The following MIPOL1 variants were observed in gnomAD, a reference collection of about 807,000 sequenced individuals.
The protein encoded by MIPOL1 is mirror-image polydactyly gene 1 protein.
A neutral mutation model predicts 60.9 loss-of-function variants in MIPOL1; 57 were observed. That is an observed-to-expected ratio of 0.94 (90% CI 0.76 to 1.17). The LOEUF (loss-of-function observed/expected upper bound fraction) is 1.17, where lower values mean the gene tolerates loss of function less well. MIPOL1 is among the 50% of genes most tolerant of loss of function. The probability of loss-of-function intolerance (pLI) is 0.00; values close to 1 mark genes in which losing one functional copy is unlikely to be tolerated. For missense variants in MIPOL1, 551 were observed against 511.6 expected (o/e 1.08, Z -0.74); for synonymous variants, 179 against 168.8 (o/e 1.06, Z -0.47).
At chr14:37,292,116 G>T (rs1188518248) in intron 7 of MIPOL1, among the ~76,000 whole-genome samples, 1 of 151,472 alleles carries the variant, frequency 6.6e-6, no homozygotes, top group Non-Finnish European at 1.5e-5. Context: ...TAGTAGAGAC[G>T]GGGTTTCGCT....
At chr14:37,245,005 T>A (rs1972966133) in intron 1 of MIPOL1, among the ~76,000 whole-genome samples, 1 of 152,142 alleles carries the variant, frequency 6.6e-6, no homozygotes, top group African/African-American at 2.4e-5. Flanking sequence ...TCCAGTTTAA[T>A]GTCTGAATCC....
intron 12 of MIPOL1, among the ~76,000 whole-genome samples, chr14:37,510,678 C>G (rs2095321248): frequency 6.6e-6 from 1 of 152,162 alleles, no homozygotes; most frequent in Non-Finnish European, 1.5e-5. Flanking sequence ...AGTAAGTACT[C>G]TGTAAATTGA....
chr14:37,510,578 T>C (rs770323952), intron 12 of MIPOL1, among the ~76,000 whole-genome samples: 1 of 152,090 alleles, frequency 6.6e-6, no homozygotes, highest in Non-Finnish European at 1.5e-5. Context: ...CCTACTGCAC[T>C]CTCTTCCAGA....
At chr14:37,214,003 ATAAAGGC>A (rs1967145770) in intron 1 of MIPOL1, among the ~76,000 whole-genome samples, 1 of 152,240 alleles carries the variant, frequency 6.6e-6, no homozygotes, top group Non-Finnish European at 1.5e-5. Context: ...TGAAAGAGAA[ATAAAGGC>A]TTTCCCAGAC....
At position 37,369,545 on chromosome 14, in the gene MIPOL1, A is replaced by C. The variant is rs768577509; in HGVS notation, c.857A>C (p.His286Pro). ...AAACGGTTAGAGCAGGAGCTTCATC[A>C]TGTGAAAGAGCAGAACCAGACTTCA... ...KCKRLEQELHHVKEQNQTSAN... is the reference protein window; with the variant it reads ...KCKRLEQELHPVKEQNQTSAN... The change falls in exon 10 of 13, where the codon CAT becomes CCT. Residue 286 changes from histidine (H) to proline (P), a missense_variant. His to Pro is a moderately conservative substitution (Grantham distance 77, BLOSUM62 -2). Coordinates refer to ENST00000684589, the MANE Select transcript of MIPOL1 (RefSeq NM_001388067.1). The C allele has an allele frequency of 1.9e-6, 3 of 1,613,238 alleles. No individual in the cohort carries two copies. The highest frequency in any genetic ancestry group is 2.7e-5 in the African/African-American group (2 of 74,898).
chr14:37,201,198 C>A (rs1965282077), intron 1 of MIPOL1, among the ~76,000 whole-genome samples: 1 of 152,082 alleles, frequency 6.6e-6, no homozygotes, highest in Non-Finnish European at 1.5e-5. Flanking sequence ...AGCCACCACA[C>A]CTGGCCAGTA....
At chr14:37,499,664 T>G (rs1217827120) in intron 11 of MIPOL1, among the ~76,000 whole-genome samples, 1 of 152,222 alleles carries the variant, frequency 6.6e-6, no homozygotes, top group African/African-American at 2.4e-5. Context: ...TATAATTAAA[T>G]TAACATCTTG....
intron 10 of MIPOL1, among the ~76,000 whole-genome samples, chr14:37,405,057 A>G (rs1293775409): frequency 6.6e-6 from 1 of 152,156 alleles, no homozygotes; most frequent in Non-Finnish European, 1.5e-5. Flanking sequence ...TGGCAGGAGA[A>G]CACAATATGG....
intron 10 of MIPOL1, among the ~76,000 whole-genome samples, chr14:37,410,158 T>C (rs2093657711): frequency 1.3e-5 from 2 of 152,126 alleles, no homozygotes; most frequent in Admixed American, 1.3e-4. Flanking sequence ...CAGATTCCTT[T>C]CAAATGAGCA....
chr14:37,535,469 C>T (rs557472342), intron 12 of MIPOL1, among the ~76,000 whole-genome samples: 36 of 152,186 alleles, frequency 2.4e-4, no homozygotes, highest in African/African-American at 8.7e-4. Context: ...AATAAAATGA[C>T]CCAGGAATTG....
At chr14:37,428,644 G>T (rs377737321) in intron 11 of MIPOL1, among the ~76,000 whole-genome samples, 1 of 150,114 alleles carries the variant, frequency 6.7e-6, no homozygotes, top group Admixed American at 6.7e-5. Context: ...TAAAAAAGTG[G>T]GTTTTTTTCC....
intron 7 of MIPOL1, among the ~76,000 whole-genome samples, chr14:37,295,018 T>C (rs2085497826): frequency 6.6e-6 from 1 of 152,096 alleles, no homozygotes; most frequent in African/African-American, 2.4e-5. Context: ...TCACCAAAGT[T>C]GAAATGAAGG....
At chr14:37,424,385 A>G (rs1429734330) in intron 11 of MIPOL1, among the ~76,000 whole-genome samples, 1 of 152,126 alleles carries the variant, frequency 6.6e-6, no homozygotes, top group Non-Finnish European at 1.5e-5. Flanking sequence ...AGGGAAGACA[A>G]TCTGAAGACA....
Position 37,542,899 on chromosome 14 carries a change from TA to T in MIPOL1, c.1263-4004del, listed in dbSNP as rs547546152. Among the ~76,000 whole-genome samples the T allele has an allele frequency of 1.4e-4, 22 of 152,312 alleles. No homozygotes were observed. In the South Asian group the frequency reaches 4.6e-3, roughly 32 times the overall value. On this transcript the variant is annotated intron_variant, in intron 12 of 12. Transcript: ENST00000684589. Reference sequence around the variant, plus strand: ...TGAAATAGACCTAATATTCTCTCTTTAACACAGACTCTTATATACAAGTGTC... The same window carrying T: ...TGAAATAGACCTAATATTCTCTCTTTACACAGACTCTTATATACAAGTGTC...
intron 11 of MIPOL1, among the ~76,000 whole-genome samples, chr14:37,438,399 G>A (rs1595776768): frequency 6.6e-6 from 1 of 151,986 alleles, no homozygotes; most frequent in African/African-American, 2.4e-5. Flanking sequence ...TCCTTGTAAG[G>A]CATCATCCCT....
At chr14:37,428,707 A>G (rs1161203260) in intron 11 of MIPOL1, among the ~76,000 whole-genome samples, 2 of 116,326 alleles carry the variant, frequency 1.7e-5, no homozygotes, top group African/African-American at 5.8e-5. Context: ...TACTGCTGGT[A>G]AAAACATTCC....
At chr14:37,202,572 G>C (rs11624773) in intron 1 of MIPOL1, among the ~76,000 whole-genome samples, 1 of 152,170 alleles carries the variant, frequency 6.6e-6, no homozygotes, top group South Asian at 2.1e-4. Context: ...GGGATTCTCA[G>C]ACAAGGGAGT....
chr14:37,542,708 T>C (rs1470047084), intron 12 of MIPOL1, among the ~76,000 whole-genome samples: 3 of 152,198 alleles, frequency 2.0e-5, no homozygotes, highest in African/African-American at 7.2e-5. Flanking sequence ...CCTGTGTTTA[T>C]GTTATAACAT....
chr14:37,239,048 A>ATT lies in MIPOL1; in HGVS notation c.-198-8037_-198-8036dup, dbSNP rs569559063. Among the ~76,000 whole-genome samples the ATT allele has an allele frequency of 5.1e-3, 679 of 134,112 alleles. 11 individuals carry two copies. Among genetic ancestry groups the ATT allele is most frequent in the African/African-American group, 0.018 (631 of 34,254 alleles). The allele number at this position is 134,112 out of a possible 152,430, so 88.0% of individuals were successfully genotyped here. A position where few individuals can be genotyped will look rare whatever the true frequency, so the allele number is the denominator to read the frequency against. On this transcript the variant is annotated intron_variant, in intron 1 of 12. Transcript: ENST00000684589. ...TTTCAAAAGTAGCATACATTGCTTA[A>ATT]TTTTTTTTTTTTTTTTTTTGAGATG...
Sources: allele counts gnomAD v4.1 joint callset (sites outside exome capture counted in the v4.1 genomes callset), GRCh38; gene constraint gnomAD v4.1.1; transcripts MANE v1.5; gene names NCBI Gene and HGNC (gene_info 2026-07-23, HGNC 2026-07-21).